The following ZC4H2 variants were observed in gnomAD, a reference collection of about 807,000 sequenced individuals.
ZC4H2 encodes the protein zinc finger C4H2-type containing.
For synonymous variants in ZC4H2, 84 were observed against 66.3 expected, an observed-to-expected ratio of 1.27 and a Z score of -1.30; for missense variants, 137 against 173.9, an observed-to-expected ratio of 0.79 and a Z score of 1.19.
intron 1 of ZC4H2, among the ~76,000 whole-genome samples, chrX:65,003,536 G>A (rs769012082): frequency 3.4e-4 from 38 of 111,180 alleles, no homozygotes; most frequent in Non-Finnish European, 5.8e-4. Context: ...GACTGCTAGC[G>A]AGACTAATAA....
At chrX:64,945,891 C>G (rs1271223671) in intron 1 of ZC4H2, among the ~76,000 whole-genome samples, 1 of 111,032 alleles carries the variant, frequency 9.0e-6, no homozygotes, top group South Asian at 3.9e-4. Flanking sequence ...TGGGGAAAAC[C>G]ACCTACTCAA....
At chrX:65,005,574 A>G (rs1462595090) in intron 1 of ZC4H2, among the ~76,000 whole-genome samples, 1 of 111,108 alleles carries the variant, frequency 9.0e-6, no homozygotes, top group East Asian at 2.8e-4. Context: ...TGGATTAAAG[A>G]CTTAAGCATT....
chrX:64,966,521 A>G (rs991111149), intron 1 of ZC4H2, among the ~76,000 whole-genome samples: 2 of 112,885 alleles, frequency 1.8e-5, no homozygotes, highest in African/African-American at 6.4e-5. Flanking sequence ...AGCATTATTC[A>G]TAAGAGCCAA....
intron 1 of ZC4H2, among the ~76,000 whole-genome samples, chrX:65,031,104 A>C (rs1932929796): frequency 9.0e-6 from 1 of 111,562 alleles, no homozygotes; most frequent in Admixed American, 9.5e-5. Context: ...GTATCATGAA[A>C]AATTTTCTTT....
intron 1 of ZC4H2, among the ~76,000 whole-genome samples, chrX:64,997,869 C>T: frequency 8.9e-6 from 1 of 111,940 alleles, no homozygotes; most frequent in Non-Finnish European, 1.9e-5. Context: ...CTGCCTGGCT[C>T]AGCCTTCCAA....
In ZC4H2 at chrX:64,981,830, C is replaced by G. The variant is rs751365182; in HGVS notation, c.-272+52799G>C. Among the ~76,000 whole-genome samples the G allele has an allele frequency of 2.7e-5, 3 of 111,190 alleles. No individual in the cohort carries two copies. The South Asian group carries it at 1.2e-3, about 43-fold the overall frequency. On this transcript the variant is annotated intron_variant, in intron 1 of 4. Transcript: ENST00000337990. ...TTGAAGCCTTAACTTTGAAGATTCC[C>G]CTAGGAGATGGGACTTGTGGGTGAT...
upstream of ZC4H2, among the ~76,000 whole-genome samples, chrX:64,979,156 A>C (rs1240704933): frequency 8.9e-6 from 1 of 112,064 alleles, no homozygotes; most frequent in Non-Finnish European, 1.9e-5. Flanking sequence ...ACATCACCCT[A>C]CTTGGCTGAA....
chrX:64,918,563 T>A (rs1929034235), intron 4 of ZC4H2: 1 of 114,119 alleles, frequency 8.8e-6, no homozygotes, highest in Non-Finnish European at 1.8e-5. Flanking sequence ...AGATGCAAAT[T>A]ACTTCTGTTT....
chrX:64,992,393 A>C (rs929739438), intron 1 of ZC4H2, among the ~76,000 whole-genome samples: 6 of 111,342 alleles, frequency 5.4e-5, no homozygotes, highest in Non-Finnish European at 1.1e-4. Flanking sequence ...TAATGCCCAC[A>C]TCCAGGCTCA....
intron 1 of ZC4H2, among the ~76,000 whole-genome samples, chrX:64,999,157 G>T (rs773475075): frequency 9.4e-6 from 1 of 106,445 alleles, no homozygotes; most frequent in African/African-American, 3.4e-5. Flanking sequence ...CAAGATGGCC[G>T]AGCAGGAACA....
chrX:65,026,421 A>AAT (rs1488331714), intron 1 of ZC4H2, among the ~76,000 whole-genome samples: 1 of 111,780 alleles, frequency 8.9e-6, no homozygotes, highest in Non-Finnish European at 1.9e-5. Context: ...CAACGAAAGG[A>AAT]ATTTAGCGGC....
At chrX:64,953,402 A>C (rs1266153452) in intron 1 of ZC4H2, among the ~76,000 whole-genome samples, 2 of 112,201 alleles carry the variant, frequency 1.8e-5, no homozygotes, top group Non-Finnish European at 3.8e-5. Context: ...GAATGGGAGA[A>C]AATTTTTGCA....
chrX:65,026,646 T>A (rs1400420988), intron 1 of ZC4H2, among the ~76,000 whole-genome samples: 2 of 109,981 alleles, frequency 1.8e-5, no homozygotes, highest in Non-Finnish European at 3.8e-5. Flanking sequence ...GTGGCAAAGC[T>A]TGCAGTGAGC....
chrX:65,025,655 G>A (rs934744053), intron 1 of ZC4H2, among the ~76,000 whole-genome samples: 2 of 111,269 alleles, frequency 1.8e-5, no homozygotes, highest in African/African-American at 3.3e-5. Context: ...AGTCCATAAG[G>A]AGAATTTTGC....
intron 1 of ZC4H2, among the ~76,000 whole-genome samples, chrX:64,949,452 C>A (rs1223537286): frequency 9.0e-6 from 1 of 111,304 alleles, no homozygotes; most frequent in African/African-American, 3.3e-5. Flanking sequence ...TATTTGATGG[C>A]CTTCCCAAAA....
In ZC4H2 at chrX:65,024,133, T is replaced by C. The variant is rs564226587; in HGVS notation, c.-272+10496A>G. Among the ~76,000 whole-genome samples, 4 of 109,468 alleles carry C rather than the reference T, an allele frequency of 3.7e-5. No individual in the cohort carries two copies. In the South Asian group the frequency reaches 1.6e-3, roughly 44 times the overall value. ...GGGTGGGGGGGCACTAGGGGAGGGATAGCATTAGGAGAAATACCTAATGTA... is the reference window on the plus strand; with the variant it reads ...GGGTGGGGGGGCACTAGGGGAGGGACAGCATTAGGAGAAATACCTAATGTA... On this transcript the variant is annotated intron_variant, in intron 1 of 4. Coordinates refer to the ZC4H2 transcript ENST00000337990.
At chrX:64,996,516 A>C (rs777631570) in intron 1 of ZC4H2, among the ~76,000 whole-genome samples, 10 of 111,957 alleles carry the variant, frequency 8.9e-5, no homozygotes, top group Non-Finnish European at 1.9e-4. Context: ...CTGAGGAAGC[A>C]ACAAAGACTT....
At chrX:64,951,974 C>CGTATAAG (rs1930864490) in intron 1 of ZC4H2, among the ~76,000 whole-genome samples, 1 of 111,096 alleles carries the variant, frequency 9.0e-6, no homozygotes, top group Admixed American at 9.6e-5. Context: ...AATTGATTTT[C>CGTATAAG]GTATAAGGTA....
chrX:65,003,179 T>C (rs1932583829), intron 1 of ZC4H2, among the ~76,000 whole-genome samples: 1 of 106,247 alleles, frequency 9.4e-6, no homozygotes, highest in Admixed American at 1.0e-4. Context: ...TGCTCCTGAA[T>C]GACTACTGGG....
Sources: gnomAD v4.1 joint callset for allele counts (sites outside exome capture counted in the v4.1 genomes callset) on GRCh38, gnomAD v4.1.1 for gene constraint, MANE v1.5 for transcripts, NCBI Gene and HGNC (gene_info 2026-07-23, HGNC 2026-07-21) for gene names.